CCR9: variants seen among roughly 807,000 people sequenced by gnomAD.
CCR9 encodes the protein C-C chemokine receptor type 9.
CCR9 carries 4 observed loss-of-function variants against 8.7 expected under a neutral mutation model. The observed-to-expected ratio is 0.46, with a 90% confidence interval of 0.23 to 1.06. CCR9 has a LOEUF of 1.06. CCR9 is among the 50% of genes least tolerant of loss of function. The pLI, the probability that CCR9 is intolerant of heterozygous loss-of-function variation, is 0.21. For synonymous variants in CCR9, 159 were observed against 168.8 expected, an observed-to-expected ratio of 0.94 and a Z score of 0.45; for missense variants, 394 against 453.6, an observed-to-expected ratio of 0.87 and a Z score of 1.19.
chr3:45,894,524 CA>C (rs1702289508), intron 1 of CCR9, among the ~76,000 whole-genome samples: 1 of 152,118 alleles, frequency 6.6e-6, no homozygotes. Flanking sequence ...CAGGACTTGA[CA>C]GACAAGCTGA....
chr3:45,888,477 C>T (rs1702050214), intron 1 of CCR9, among the ~76,000 whole-genome samples: 1 of 152,202 alleles, frequency 6.6e-6, no homozygotes, highest in African/African-American at 2.4e-5. Context: ...GGACATGGAT[C>T]ATGTCTTACA....
chr3:45,897,191 A>G (rs1380019494), intron 2 of CCR9, among the ~76,000 whole-genome samples: 1 of 152,196 alleles, frequency 6.6e-6, no homozygotes, highest in African/African-American at 2.4e-5. Flanking sequence ...TTTGATGTCT[A>G]AGATCCATCA....
chr3:45,894,442 G>A (rs903497658), intron 1 of CCR9, among the ~76,000 whole-genome samples: 2 of 152,130 alleles, frequency 1.3e-5, no homozygotes, highest in African/African-American at 2.4e-5. Flanking sequence ...TTCTCAAAGC[G>A]ACCACTGTCC....
intron 1 of CCR9, among the ~76,000 whole-genome samples, chr3:45,890,881 G>T (rs1702158600): frequency 6.6e-6 from 1 of 152,208 alleles, no homozygotes; most frequent in Non-Finnish European, 1.5e-5. Flanking sequence ...CCTGTCTGAA[G>T]AATGTTTAAT....
chr3:45,891,149 C>T (rs1702168003), intron 1 of CCR9, among the ~76,000 whole-genome samples: 1 of 152,236 alleles, frequency 6.6e-6, no homozygotes, highest in African/African-American at 2.4e-5. Flanking sequence ...TCCTGGCCCC[C>T]AGAGGGCTGC....
At position 45,894,954 on chromosome 3, in the gene CCR9, A is replaced by G; in HGVS notation, c.21A>G (p.Thr7=). The G allele has an allele frequency of 6.2e-7, 1 of 1,613,930 alleles. No homozygotes were observed. Among genetic ancestry groups the G allele is most frequent in the Non-Finnish European group, 8.5e-7 (1 of 1,179,892 alleles). Residue 7 remains threonine, a splice_region_variant and synonymous_variant, in exon 2 of 3, where the codon ACA becomes ACG. Coordinates refer to ENST00000357632, the MANE Select transcript of CCR9 (RefSeq NM_031200.3). MTPTDF[T]SPIPNMADDY... is the part of the protein sequence containing the mutation. ...CCACCATGACACCCACAGACTTCACAGTGAGTACAGCCGTGCTCCTCTGGC... is the reference window on the plus strand; with the variant it reads ...CCACCATGACACCCACAGACTTCACGGTGAGTACAGCCGTGCTCCTCTGGC...
intron 1 of CCR9, 56 bp from the exon 2 acceptor site, chr3:45,894,848 TGG>T: frequency 8.2e-7 from 1 of 1,218,876 alleles, no homozygotes; most frequent in African/African-American, 1.5e-5. Flanking sequence ...TTTTGGCATT[TGG>T]TTGTTACTAT....
intron 2 of CCR9, 116 bp downstream of exon 2, chr3:45,895,070 A>G (rs1702310253): frequency 1.8e-6 from 2 of 1,135,694 alleles, no homozygotes; most frequent in South Asian, 1.2e-5. Flanking sequence ...TTCCCAGGGT[A>G]AGATCTCTGC....
At chr3:45,897,173 C>T (rs574323632) in intron 2 of CCR9, among the ~76,000 whole-genome samples, 1 of 152,242 alleles carries the variant, frequency 6.6e-6, no homozygotes. Context: ...TGAGGGATTT[C>T]CAGAGGATTT....
intron 2 of CCR9, among the ~76,000 whole-genome samples, chr3:45,897,382 G>T (rs1447562241): frequency 6.6e-6 from 1 of 152,148 alleles, no homozygotes; most frequent in Non-Finnish European, 1.5e-5. Flanking sequence ...AAAGCACGAG[G>T]TCCTTAATTC....
Position 45,901,672 on chromosome 3 carries a change from T to C in CCR9, c.884T>C (p.Ile295Thr). 1.2e-6 allele frequency: 2 copies of C among 1,613,998 alleles called. No homozygotes were observed. The highest frequency in any genetic ancestry group is 1.3e-5 in the African/African-American group (1 of 75,064). The change falls in exon 3 of 3, where the codon ATT becomes ACT. Residue 295 changes from isoleucine (I) to threonine (T), a missense_variant. Coordinates refer to ENST00000357632, the MANE Select transcript of CCR9 (RefSeq NM_031200.3). This position sits in a 1 kb window ranked among gnomAD's most constrained non-coding sequence, Gnocchi z 4.3. Reference sequence around the variant, plus strand: ...TCCAACTGTGCCGTTTCCACCAACATTGACATCTGCTTCCAGGTCACCCAG... The same window carrying C: ...TCCAACTGTGCCGTTTCCACCAACACTGACATCTGCTTCCAGGTCACCCAG... ...FISNCAVSTN[I>T]DICFQVTQTI...
Position 45,892,477 on chromosome 3 carries a change from C to T in CCR9, c.-28-2429C>T, listed in dbSNP as rs116207980. On this transcript the variant is annotated intron_variant, in intron 1 of 2. Transcript: ENST00000357632. ...ACACAGAACAGAAAAACAAATGTCA[C>T]ATGTTCTCATTTATAAATGGGAGCT... 4.4e-3 allele frequency among the ~76,000 whole-genome samples: 676 copies of T among 152,184 alleles called. 8 individuals carry two copies. The highest frequency in any genetic ancestry group is 0.015 in the African/African-American group (641 of 41,498).
intron 2 of CCR9, among the ~76,000 whole-genome samples, chr3:45,897,960 T>C (rs1470265067): frequency 1.6e-5 from 2 of 126,346 alleles, no homozygotes; most frequent in Non-Finnish European, 3.3e-5. Context: ...TGAGAGTCTA[T>C]TAAAGCTATT....
chr3:45,900,101 C>T lies in CCR9; in HGVS notation c.22-709C>T, dbSNP rs1299081878. 6.6e-6 allele frequency among the ~76,000 whole-genome samples: 1 copy of T among 152,080 alleles called. No homozygotes were observed. The highest frequency in any genetic ancestry group is 6.5e-5 in the Admixed American group (1 of 15,270). The stretch of plus-strand genomic sequence containing the variant: ...TGGGGCCAGCTTCATGGCTGTGCAA[C>T]CCACACAGTCACATAGGGGCCCTGT... On this transcript the variant is annotated intron_variant, in intron 2 of 2. Coordinates refer to ENST00000357632, the MANE Select transcript of CCR9 (RefSeq NM_031200.3). The surrounding 1 kb of genome is among the most constrained non-coding windows in gnomAD (Gnocchi z 4.7).
At chr3:45,886,375 T>C (rs1368303469), upstream of CCR9, 1 of 152,248 alleles carries the variant, frequency 6.6e-6, no homozygotes, top group African/African-American at 2.4e-5. Context: ...TTTCCCCTTA[T>C]CCCAGCAGTT....
chr3:45,897,109 C>G (rs992255858), intron 2 of CCR9, among the ~76,000 whole-genome samples: 2 of 152,180 alleles, frequency 1.3e-5, no homozygotes, highest in African/African-American at 4.8e-5. Flanking sequence ...AGGACACAGA[C>G]AGGCAGGATG....
chr3:45,900,727 G>A lies in CCR9; in HGVS notation c.22-83G>A. 2.8e-6 allele frequency: 4 copies of A among 1,440,984 alleles called. No individual in the cohort carries two copies. Among genetic ancestry groups the A allele is most frequent in the Non-Finnish European group, 3.8e-6 (4 of 1,063,030 alleles). 89.3% of individuals were successfully genotyped at this position (1,440,984 alleles called of 1,614,324 possible). A position where few individuals can be genotyped will look rare whatever the true frequency, so the allele number is the denominator to read the frequency against. On this transcript the variant is annotated intron_variant, in intron 2 of 2. Coordinates refer to ENST00000357632, the MANE Select transcript of CCR9 (RefSeq NM_031200.3). This position sits in a 1 kb window ranked among gnomAD's most constrained non-coding sequence, Gnocchi z 4.7. ...ATCATAGGTGTTTGGGGTTGGAAGG[G>A]TCAAGAGGTCCATGCCTCTGCCATC...
chr3:45,901,100 G>A lies in CCR9; in HGVS notation c.312G>A (p.Trp104Ter). The change falls in exon 3 of 3, where the codon TGG (tryptophan) becomes TGA (stop). Residue 104 changes from tryptophan to a stop codon, truncating the protein, a stop_gained. Transcript: ENST00000357632. LOFTEE classifies it low-confidence loss of function (END_TRUNC). The surrounding 1 kb of genome is among the most constrained non-coding windows in gnomAD (Gnocchi z 4.3). ...TCTTTCTTGTCACTCTTCCCTTCTG[G>A]GCCATTGCTGCTGCTGACCAGTGGA... is the stretch of plus-strand genomic sequence containing the variant. ...DLLFLVTLPF[W>*]AIAAADQWKF... 6.2e-7 allele frequency: 1 copy of A among 1,614,036 alleles called. No homozygotes were observed. The highest frequency in any genetic ancestry group is 8.5e-7 in the Non-Finnish European group (1 of 1,179,998).
intron 2 of CCR9, among the ~76,000 whole-genome samples, chr3:45,895,906 A>T (rs1487807645): frequency 6.6e-6 from 1 of 152,218 alleles, no homozygotes; most frequent in Non-Finnish European, 1.5e-5. Flanking sequence ...TTACATGTAG[A>T]TAATTGAAAT....
Sources: gnomAD v4.1 joint callset for allele counts (sites outside exome capture counted in the v4.1 genomes callset) on GRCh38, gnomAD v4.1.1 for gene constraint, Gnocchi (gnomAD v3.1) non-coding constraint, MANE v1.5 for transcripts, NCBI Gene and HGNC (gene_info 2026-07-23, HGNC 2026-07-21) for gene names.